The following HCN1 variants were observed in gnomAD, a reference collection of about 807,000 sequenced individuals.
HCN1 encodes hyperpolarization activated cyclic nucleotide gated potassium channel 1.
HCN1 carries 13 observed loss-of-function variants against 78.9 expected under a neutral mutation model. That is an observed-to-expected ratio of 0.16 (90% CI 0.11 to 0.26). The LOEUF (loss-of-function observed/expected upper bound fraction) is 0.26. HCN1 is among the 10% of genes least tolerant of loss of function. The pLI is 1.00. For missense variants in HCN1, 810 were observed against 1,154.3 expected (o/e 0.70, Z 4.32); for synonymous variants, 552 against 455.5 (o/e 1.21, Z -2.70).
At chr5:45,554,340 A>C (rs1579965901) in intron 2 of HCN1, among the ~76,000 whole-genome samples, 1 of 151,956 alleles carries the variant, frequency 6.6e-6, no homozygotes, top group Admixed American at 6.6e-5. Context: ...TTATAATCCA[A>C]ATATTCTGTT....
intron 7 of HCN1, among the ~76,000 whole-genome samples, chr5:45,265,144 C>T (rs1010349598): frequency 6.7e-6 from 1 of 149,540 alleles, no homozygotes; most frequent in Admixed American, 6.7e-5. Flanking sequence ...GAGCCGAGAT[C>T]ACACCACTGC....
intron 5 of HCN1, among the ~76,000 whole-genome samples, chr5:45,319,599 A>C (rs541183138): frequency 1.3e-5 from 2 of 151,320 alleles, no homozygotes; most frequent in African/African-American, 4.8e-5. Flanking sequence ...TTTTTTGGGG[A>C]TATGCACTGC....
At chr5:45,427,090 G>A (rs1430103423) in intron 3 of HCN1, among the ~76,000 whole-genome samples, 3 of 151,924 alleles carry the variant, frequency 2.0e-5, no homozygotes, top group Non-Finnish European at 4.4e-5. Flanking sequence ...AATGAGATAA[G>A]GTTAAATTCT....
At chr5:45,657,217 T>G (rs1178365178) in intron 1 of HCN1, among the ~76,000 whole-genome samples, 1 of 152,188 alleles carries the variant, frequency 6.6e-6, no homozygotes. Flanking sequence ...GAACTGCCAG[T>G]ATAGTGAGAA....
At chr5:45,535,335 C>A (rs533994016) in intron 2 of HCN1, among the ~76,000 whole-genome samples, 1 of 152,140 alleles carries the variant, frequency 6.6e-6, no homozygotes, top group Non-Finnish European at 1.5e-5. Context: ...TGGTGGCTCA[C>A]ACCTGTAATC....
intron 2 of HCN1, among the ~76,000 whole-genome samples, chr5:45,640,754 T>C (rs189750460): frequency 0.026 from 3,999 of 151,670 alleles, 64 homozygotes; most frequent in Non-Finnish European, 0.033. Context: ...TTTGTATTTT[T>C]AGTAGAGACA....
intron 1 of HCN1, among the ~76,000 whole-genome samples, chr5:45,663,623 C>G (rs1745968420): frequency 6.7e-6 from 1 of 148,664 alleles, no homozygotes; most frequent in Non-Finnish European, 1.5e-5. Context: ...AAAAAACAAA[C>G]AACCCCATCA....
intron 2 of HCN1, among the ~76,000 whole-genome samples, chr5:45,531,996 C>G (rs1364582367): frequency 6.6e-6 from 1 of 152,130 alleles, no homozygotes; most frequent in Non-Finnish European, 1.5e-5. Flanking sequence ...GCCGAGATCG[C>G]ACCACTGCAC....
At chr5:45,408,200 G>A (rs1739961729) in intron 3 of HCN1, among the ~76,000 whole-genome samples, 1 of 152,088 alleles carries the variant, frequency 6.6e-6, no homozygotes, top group African/African-American at 2.4e-5. Flanking sequence ...TAAATTTAGT[G>A]TAGCCTAAGT....
chr5:45,296,951 C>T (rs1357447280), intron 6 of HCN1, among the ~76,000 whole-genome samples: 1 of 151,912 alleles, frequency 6.6e-6, no homozygotes, highest in Non-Finnish European at 1.5e-5. Flanking sequence ...GATCAATTTG[C>T]TGAGACCAGC....
chr5:45,488,899 T>G (rs1483398396), intron 2 of HCN1, among the ~76,000 whole-genome samples: 1 of 152,202 alleles, frequency 6.6e-6, no homozygotes, highest in African/African-American at 2.4e-5. Context: ...AAAGCTCACC[T>G]GAAGGGCACT....
intron 2 of HCN1, among the ~76,000 whole-genome samples, chr5:45,625,020 G>A (rs1184288631): frequency 6.6e-6 from 1 of 152,066 alleles, no homozygotes; most frequent in Non-Finnish European, 1.5e-5. Flanking sequence ...ATCTAATAGT[G>A]TGTAGCTGTT....
chr5:45,313,244 C>T (rs779288341), intron 5 of HCN1, among the ~76,000 whole-genome samples: 1 of 152,108 alleles, frequency 6.6e-6, no homozygotes, highest in Non-Finnish European at 1.5e-5. Context: ...TTGCTGATAC[C>T]CAGGCAAACA....
At chr5:45,473,679 A>G (rs1264269253) in intron 2 of HCN1, among the ~76,000 whole-genome samples, 1 of 151,438 alleles carries the variant, frequency 6.6e-6, no homozygotes, top group African/African-American at 2.4e-5. Flanking sequence ...TCATTTAAGC[A>G]TGCTTAAATC....
chr5:45,641,218 A>G (rs898939564), intron 2 of HCN1, among the ~76,000 whole-genome samples: 1 of 152,226 alleles, frequency 6.6e-6, no homozygotes, highest in African/African-American at 2.4e-5. Context: ...TAGGCAATTT[A>G]TAGTAACAGT....
chr5:45,492,518 T>A (rs1482720279), intron 2 of HCN1, among the ~76,000 whole-genome samples: 1 of 114,598 alleles, frequency 8.7e-6, no homozygotes, highest in East Asian at 2.4e-4. Flanking sequence ...ACAGTTTTTT[T>A]GTTTTTTTTT....
chr5:45,648,376 T>G (rs2112036640), intron 1 of HCN1, among the ~76,000 whole-genome samples: 1 of 152,320 alleles, frequency 6.6e-6, no homozygotes, highest in Non-Finnish European at 1.5e-5. Context: ...CTAGCAATAC[T>G]TAATATGGTC....
At position 45,257,868 on chromosome 5, in the gene HCN1, T is replaced by A. The variant is rs1318196019; in HGVS notation, c.*4053A>T. 1 of 152,090 alleles carries A rather than the reference T, an allele frequency of 6.6e-6. No individual in the cohort carries two copies. The highest frequency in any genetic ancestry group is 6.5e-5 in the Admixed American group (1 of 15,278). 9.4% of individuals were successfully genotyped at this position (152,090 alleles called of 1,614,324 possible). On this transcript the variant is annotated 3_prime_UTR_variant, in exon 8 of 8. Transcript: ENST00000303230. ...GGTGCATGCAGCAACCACAGTTCCT[T>A]AAATTTTTGGCCATTGTTTTCAGGA...
chr5:45,373,256 A>G (rs1404484742), intron 4 of HCN1, among the ~76,000 whole-genome samples: 1 of 115,428 alleles, frequency 8.7e-6, no homozygotes, highest in Non-Finnish European at 1.6e-5. Context: ...TATATATTTT[A>G]TATTATATAT....
Sources: allele counts gnomAD v4.1 joint callset (sites outside exome capture counted in the v4.1 genomes callset), GRCh38; gene constraint gnomAD v4.1.1; transcripts MANE v1.5; gene names NCBI Gene and HGNC (gene_info 2026-07-23, HGNC 2026-07-21).